Variants in KCTD1 observed in about 807,000 individuals in gnomAD.
KCTD1 encodes the protein BTB/POZ domain-containing protein KCTD1.
A neutral mutation model predicts 66.0 loss-of-function variants in KCTD1; 24 were observed. That is an observed-to-expected ratio of 0.36 (90% confidence interval 0.26 to 0.51). The LOEUF is 0.51. Ranked by LOEUF, KCTD1 falls within the 20% of genes least tolerant of loss-of-function variation. The pLI is 0.95. For missense variants in KCTD1, 943 were observed against 1,205.2 expected (o/e 0.78, Z 3.22); for synonymous variants, 511 against 517.2 (o/e 0.99, Z 0.16).
At chr18:26,516,061 G>A (rs991672456) in intron 1 of KCTD1, among the ~76,000 whole-genome samples, 2 of 152,132 alleles carry the variant, frequency 1.3e-5, no homozygotes, top group African/African-American at 4.8e-5. Flanking sequence ...GCAGGAAAGG[G>A]ACAGACAGCA....
Position 26,647,333 on chromosome 18 carries a change from C to CCT in KCTD1, c.9+10026_9+10027insAG, listed in dbSNP as rs1555649520. 4.5e-5 allele frequency among the ~76,000 whole-genome samples: 5 copies of CCT among 112,358 alleles called. No individual in the cohort carries two copies. In the East Asian group the frequency reaches 1.5e-3, roughly 33 times the overall value. The allele number at this position is 112,358 out of a possible 152,430, so 73.7% of individuals were successfully genotyped here. A position where few individuals can be genotyped will look rare whatever the true frequency, so the allele number is the denominator to read the frequency against. On this transcript the variant is annotated intron_variant, in intron 1 of 4. Transcript: ENST00000580191. ...GCCAGCCTGGCCAAGATAGTGAAAC[C>CCT]CCCCCCCCATCTCTACTAAAAATAC...
chr18:26,611,628 A>G (rs1217644182), intron 1 of KCTD1, among the ~76,000 whole-genome samples: 1 of 152,156 alleles, frequency 6.6e-6, no homozygotes, highest in Non-Finnish European at 1.5e-5. Context: ...TGAGATTACA[A>G]GGGTGAGCCA....
chr18:26,472,341 G>GT (rs147495258), intron 3 of KCTD1, among the ~76,000 whole-genome samples: 2,622 of 152,182 alleles, frequency 0.017, 77 homozygotes, highest in African/African-American at 0.06. Flanking sequence ...TCCTATGGCA[G>GT]TTTTTCCTTA....
chr18:26,521,649 T>A (rs1983917048), intron 1 of KCTD1, among the ~76,000 whole-genome samples: 1 of 152,228 alleles, frequency 6.6e-6, no homozygotes, highest in South Asian at 2.1e-4. Context: ...TAAACTTCTA[T>A]ACTCGATTCC....
chr18:26,481,069 CTT>C (rs1255683692), intron 2 of KCTD1, among the ~76,000 whole-genome samples: 1 of 152,156 alleles, frequency 6.6e-6, no homozygotes, highest in Non-Finnish European at 1.5e-5. Context: ...TTAAGAATTT[CTT>C]TGTTTCTTGT....
At chr18:26,599,334 G>T (rs2144966299) in intron 1 of KCTD1, 4 of 1,384,888 alleles carry the variant, frequency 2.9e-6, no homozygotes, top group African/African-American at 1.4e-5. Context: ...GAAGCCGGGA[G>T]CGAGCCCAGG....
intron 1 of KCTD1, among the ~76,000 whole-genome samples, chr18:26,505,085 G>A (rs1406994007): frequency 2.6e-5 from 4 of 152,264 alleles, no homozygotes; most frequent in Middle Eastern, 3.2e-3. Flanking sequence ...TGTAAAGCTA[G>A]TTTGAAATGG....
In KCTD1 at chr18:26,540,765, T is replaced by C. The variant is rs141124604; in HGVS notation, c.1809+5963A>G. On this transcript the variant is annotated intron_variant, in intron 1 of 4. Coordinates refer to ENST00000580059, the MANE Select transcript of KCTD1 (RefSeq NM_001142730.3). Reference sequence around the variant, plus strand: ...TGATACATAAAGCACACAAAATATGTGTTAATCAACTGTTTATGGTATTGG... The same window carrying C: ...TGATACATAAAGCACACAAAATATGCGTTAATCAACTGTTTATGGTATTGG... Among the ~76,000 whole-genome samples, 83 of 152,346 alleles carry C rather than the reference T, an allele frequency of 5.4e-4. 3 individuals are homozygous for C. Among genetic ancestry groups the C allele is most frequent in the Middle Eastern group, 3.4e-3 (1 of 294 alleles).
upstream of KCTD1, among the ~76,000 whole-genome samples, chr18:26,642,411 A>G (rs1987850424): frequency 6.6e-6 from 1 of 152,198 alleles, no homozygotes; most frequent in Non-Finnish European, 1.5e-5. Context: ...TGAGACTCTA[A>G]TTAATTAAAA....
intron 2 of KCTD1, among the ~76,000 whole-genome samples, chr18:26,491,612 A>C (rs553900829): frequency 7.9e-5 from 12 of 152,206 alleles, no homozygotes; most frequent in Non-Finnish European, 1.8e-4. Context: ...ATACACACAG[A>C]AAATGATGGT....
chr18:26,654,285 A>C (rs1988087879), intron 1 of KCTD1, among the ~76,000 whole-genome samples: 1 of 152,212 alleles, frequency 6.6e-6, no homozygotes, highest in Admixed American at 6.5e-5. Context: ...TGCATTATTC[A>C]ACGCAAATCG....
intron 1 of KCTD1, among the ~76,000 whole-genome samples, chr18:26,613,304 C>T (rs372931993): frequency 5.3e-5 from 8 of 152,136 alleles, no homozygotes; most frequent in East Asian, 3.8e-4. Flanking sequence ...GACACTCTGA[C>T]GATTTCCTTT....
At chr18:26,498,421 G>A (rs892840826) in intron 2 of KCTD1, among the ~76,000 whole-genome samples, 1 of 150,042 alleles carries the variant, frequency 6.7e-6, no homozygotes, top group Non-Finnish European at 1.5e-5. Flanking sequence ...TCATAGTTCA[G>A]CGCTGTCCAA....
chr18:26,525,443 G>A (rs1476885163), intron 1 of KCTD1, among the ~76,000 whole-genome samples: 1 of 152,160 alleles, frequency 6.6e-6, no homozygotes, highest in African/African-American at 2.4e-5. Context: ...CTCCAGTGAG[G>A]TCCAACTAAC....
intron 2 of KCTD1, among the ~76,000 whole-genome samples, chr18:26,479,196 G>T (rs1225848913): frequency 6.6e-6 from 1 of 152,260 alleles, no homozygotes; most frequent in African/African-American, 2.4e-5. Flanking sequence ...CCTAGAGGCC[G>T]CCTGGGCGTC....
intron 2 of KCTD1, among the ~76,000 whole-genome samples, chr18:26,485,997 T>A (rs1041287436): frequency 2.1e-5 from 3 of 140,820 alleles, no homozygotes; most frequent in Admixed American, 1.5e-4. Context: ...CACTGCAACC[T>A]CCACCTCCCG....
chr18:26,583,412 A>AAG (rs1568000492), intron 1 of KCTD1, among the ~76,000 whole-genome samples: 1 of 150,626 alleles, frequency 6.6e-6, no homozygotes, highest in Non-Finnish European at 1.5e-5. Context: ...AAAAAAAAAA[A>AAG]AAAAAGAAAA....
intron 2 of KCTD1, among the ~76,000 whole-genome samples, chr18:26,491,434 GGTCACTGGTCCAAA>G (rs1982195916): frequency 1.3e-5 from 2 of 152,226 alleles, no homozygotes; most frequent in Non-Finnish European, 2.9e-5. Context: ...CAAGTGGCAA[GGTCACTGGTCCAAA>G]GTCAACTTTG....
chr18:26,540,286 C>A (rs1305306639), intron 1 of KCTD1, among the ~76,000 whole-genome samples: 1 of 152,236 alleles, frequency 6.6e-6, no homozygotes, highest in African/African-American at 2.4e-5. Flanking sequence ...TGAACTCCTC[C>A]TCTTGTTGCC....
Sources: gnomAD v4.1 joint callset for allele counts (sites outside exome capture counted in the v4.1 genomes callset) on GRCh38, gnomAD v4.1.1 for gene constraint, MANE v1.5 for transcripts, NCBI Gene and HGNC (gene_info 2026-07-23, HGNC 2026-07-21) for gene names.